USP35: variants seen among roughly 807,000 people sequenced by gnomAD.
The protein encoded by USP35 is ubiquitin carboxyl-terminal hydrolase 35.
Under a neutral mutation model 83.8 loss-of-function variants are expected in USP35, and 69 were observed. The observed-to-expected ratio is 0.82, with a 90% CI of 0.68 to 1.01. The LOEUF (loss-of-function observed/expected upper bound fraction) is 1.01, where lower values mean the gene tolerates loss of function less well. USP35 is among the 50% of genes least tolerant of loss of function. USP35 has a pLI of 0.00. For synonymous variants in USP35, 714 were observed against 589.5 expected (o/e 1.21, Z -3.06); for missense variants, 1,503 against 1,362.5 (o/e 1.10, Z -1.62).
the USP35 span, chr11:78,226,388 C>T: frequency 1.4e-5 from 17 of 1,186,924 alleles, no homozygotes; most frequent in South Asian, 1.8e-4. Context: ...CCATGGATGA[C>T]CAAGGACCAT....
In USP35 at chr11:78,213,987, C is replaced by G; in HGVS notation, c.*174C>G. The G allele has an allele frequency of 1.5e-6, 1 of 676,864 alleles. No homozygotes were observed. The highest frequency in any genetic ancestry group is 2.2e-6 in the Non-Finnish European group (1 of 452,272). The allele number at this position is 676,864 out of a possible 1,614,324, so 41.9% of individuals were successfully genotyped here. On this transcript the variant is annotated 3_prime_UTR_variant, in exon 11 of 11. Transcript: ENST00000529308. ...TCAGATATGGAAGTAAGACCTAAGT[C>G]CCTTTCATTGGGGATCAGTCCCATT...
chr11:78,225,255 A>G, the USP35 span: 1 of 1,162,898 alleles, frequency 8.6e-7, no homozygotes, highest in Non-Finnish European at 1.3e-6. Flanking sequence ...ATGTGTTGAC[A>G]CTTACCCATA....
chr11:78,200,626 C>A, intron 5 of USP35, 24 bp from the exon 6 acceptor site: 1 of 1,590,510 alleles, frequency 6.3e-7, no homozygotes, highest in Non-Finnish European at 8.6e-7. Context: ...TGGTGCTGAG[C>A]CTGACGCAGC....
chr11:78,189,371 G>T lies in USP35; in HGVS notation c.-11+214G>T, dbSNP rs549169749. Among the ~76,000 whole-genome samples the T allele has an allele frequency of 5.9e-5, 9 of 152,308 alleles. No homozygotes were observed. The East Asian group carries it at 1.5e-3, about 26-fold the overall frequency. On this transcript the variant is annotated intron_variant, in intron 1 of 10. Transcript: ENST00000529308. ...ATCAATTGTATGTCGAAGTGATCCT[G>T]CTCCCTCCCCTTTCAGGTAAGAGGG...
In USP35 at chr11:78,198,055, A is replaced by T; in HGVS notation, c.793A>T (p.Thr265Ser). 1 of 1,614,188 alleles carries T rather than the reference A, an allele frequency of 6.2e-7. No individual in the cohort carries two copies. The highest frequency in any genetic ancestry group is 8.5e-7 in the Non-Finnish European group (1 of 1,180,016). The change falls in exon 3 of 11, where the codon ACT becomes TCT. Residue 265 changes from threonine (T) to serine (S), a missense_variant. Physicochemically the swap from Thr to Ser is moderately conservative, Grantham distance 58. Transcript: ENST00000529308. Reference sequence around the variant, plus strand: ...CAGTGTGACAGACTCGCAGATGCTGACTGCCATTAGCAGGTGGGACGCTGA... The same window carrying T: ...CAGTGTGACAGACTCGCAGATGCTGTCTGCCATTAGCAGGTGGGACGCTGA... ...DDSVTDSQML[T>S]AISRMIDWVS...
chr11:78,217,206 CTCTG>C (rs1864191566), downstream of USP35: 8 of 152,422 alleles, frequency 5.2e-5, no homozygotes, highest in Admixed American at 5.2e-4. Flanking sequence ...CATTTGAAGT[CTCTG>C]TCTGATGGCC....
the USP35 span, among the ~76,000 whole-genome samples, chr11:78,235,363 A>G: frequency 6.6e-6 from 1 of 152,174 alleles, no homozygotes; most frequent in South Asian, 2.1e-4. Flanking sequence ...CGTGTTAGCC[A>G]GGATGGTCTC....
At chr11:78,228,929 C>A in the USP35 span, among the ~76,000 whole-genome samples, 1 of 152,174 alleles carries the variant, frequency 6.6e-6, no homozygotes, top group African/African-American at 2.4e-5. Context: ...TTCCAACTCT[C>A]TGTTGGATGC....
chr11:78,226,566 G>A, the USP35 span: 1 of 1,596,610 alleles, frequency 6.3e-7, no homozygotes, highest in Non-Finnish European at 8.5e-7. Flanking sequence ...TCTCTGCTGA[G>A]GACTGCCCCA....
chr11:78,224,065 G>C, the USP35 span, among the ~76,000 whole-genome samples: 1 of 152,166 alleles, frequency 6.6e-6, no homozygotes, highest in Non-Finnish European at 1.5e-5. Context: ...CTGGGTGACA[G>C]AGTGAGACTC....
In USP35 at chr11:78,209,971, A is replaced by G. The variant is rs1323517028; in HGVS notation, c.2116A>G (p.Arg706Gly). Residue 706 changes from arginine to glycine, a missense_variant, in exon 10 of 11, where the codon AGG (arginine) becomes GGG (glycine). Transcript: ENST00000529308. ...GGAAAGCACCAGAGGGGAAGGAGAGAGGGAGAAAGAGGAGGAGGTGGAAGA... is the reference window on the plus strand; with the variant it reads ...GGAAAGCACCAGAGGGGAAGGAGAGGGGGAGAAAGAGGAGGAGGTGGAAGA... ...EEESTRGEGE[R>G]EKEEEVEEEE... 6.2e-7 allele frequency: 1 copy of G among 1,612,004 alleles called. No individual in the cohort carries two copies. The highest frequency in any genetic ancestry group is 1.7e-5 in the Admixed American group (1 of 59,764).
In USP35 at chr11:78,196,636, A is replaced by C; in HGVS notation, c.391A>C (p.Thr131Pro). Reference sequence around the variant, plus strand: ...GCTGCTGCGGCGCGAGGTGCTGCGCACCGTGTGCGAGCGCCCGGGCCCCGC... The same window carrying C: ...GCTGCTGCGGCGCGAGGTGCTGCGCCCCGTGTGCGAGCGCCCGGGCCCCGC... ...FALLRREVLR[T>P]VCERPGPAAC... The change falls in exon 2 of 11, where the codon ACC becomes CCC. Residue 131 changes from threonine to proline, a missense_variant. By Grantham distance (38) the Thr-to-Pro change is conservative. Transcript: ENST00000529308. This position sits in a 1 kb window ranked among gnomAD's most constrained non-coding sequence, Gnocchi z 4.8. 1 of 1,364,630 alleles carries C rather than the reference A, an allele frequency of 7.3e-7. No homozygotes were observed. The highest frequency in any genetic ancestry group is 9.4e-7 in the Non-Finnish European group (1 of 1,067,380). The allele number at this position is 1,364,630 out of a possible 1,614,324, so 84.5% of individuals were successfully genotyped here. A position where few individuals can be genotyped will look rare whatever the true frequency, so the allele number is the denominator to read the frequency against.
the USP35 span, among the ~76,000 whole-genome samples, chr11:78,236,134 G>A: frequency 1.3e-5 from 2 of 152,188 alleles, no homozygotes; most frequent in Admixed American, 1.3e-4. Context: ...ACATTTGATA[G>A]TTTTCAGTGA....
the USP35 span, chr11:78,226,328 C>T: frequency 1.4e-6 from 1 of 700,984 alleles, no homozygotes; most frequent in Non-Finnish European, 2.6e-6. Context: ...GTAGAAGACA[C>T]CTATGTTTTT....
chr11:78,206,677 T>G (rs1312225583), intron 7 of USP35, among the ~76,000 whole-genome samples: 1 of 152,212 alleles, frequency 6.6e-6, no homozygotes, highest in Non-Finnish European at 1.5e-5. Flanking sequence ...ATATTACTTT[T>G]GTAAAATATA....
chr11:78,211,567 C>CCAA (rs1430993968), intron 10 of USP35, among the ~76,000 whole-genome samples: 1 of 152,206 alleles, frequency 6.6e-6, no homozygotes, highest in Non-Finnish European at 1.5e-5. Context: ...TACACTCCCA[C>CCAA]CAACAGTGTA....
chr11:78,228,231 G>C, the USP35 span, among the ~76,000 whole-genome samples: 1 of 152,214 alleles, frequency 6.6e-6, no homozygotes, highest in African/African-American at 2.4e-5. Flanking sequence ...CAGGTTCTCT[G>C]TAAGTGCTTT....
Position 78,213,899 on chromosome 11 carries a change from G to C in USP35, c.*86G>C, listed in dbSNP as rs1863928505. ...CTGTGGAGGCAGGCCCTACCAAGAG[G>C]AAGGATGGTACAGCTCATGGCACCT... On this transcript the variant is annotated 3_prime_UTR_variant, in exon 11 of 11. Transcript: ENST00000529308. 1 of 1,469,166 alleles carries C rather than the reference G, an allele frequency of 6.8e-7. No individual in the cohort carries two copies. Among genetic ancestry groups the C allele is most frequent in the Admixed American group, 2.8e-5 (1 of 35,644 alleles). 91.0% of individuals were successfully genotyped at this position (1,469,166 alleles called of 1,614,324 possible).
the USP35 span, among the ~76,000 whole-genome samples, chr11:78,234,050 T>C: frequency 6.6e-6 from 1 of 152,194 alleles, no homozygotes; most frequent in African/African-American, 2.4e-5. Context: ...TACCTCAAGA[T>C]CATGGAGATG....
Sources: allele counts gnomAD v4.1 joint callset (sites outside exome capture counted in the v4.1 genomes callset), GRCh38; gene constraint gnomAD v4.1.1; non-coding constraint Gnocchi (gnomAD v3.1); transcripts MANE v1.5; gene names NCBI Gene and HGNC (gene_info 2026-07-23, HGNC 2026-07-21).